SUGP1: variants seen among roughly 807,000 people sequenced by gnomAD.
SUGP1 encodes SURP and G-patch domain containing 1.
SUGP1 carries 34 observed loss-of-function variants against 76.5 expected under a neutral mutation model. The observed-to-expected ratio is 0.44, with a 90% confidence interval of 0.34 to 0.59. The LOEUF (loss-of-function observed/expected upper bound fraction) is 0.59, where lower values mean the gene tolerates loss of function less well. Among genes scored for constraint, SUGP1 ranks in the 20% least tolerant of loss-of-function variants. The pLI is 0.01. For missense variants in SUGP1, 752 were observed against 851.7 expected (o/e 0.88, Z 1.46); for synonymous variants, 326 against 326.2 (o/e 1.00, Z 0.01).
Position 19,279,303 on chromosome 19 carries a change from G to C in SUGP1, c.1438C>G (p.Gln480Glu), listed in dbSNP as rs1185765744. ...LLWEKAVQQH[Q>E]HGYDSDEEVD... ...TCCTCATCACTGTCATAGCCGTGCT[G>C]GTGCTGTTGGACTGCCTTCTCCCAC... Residue 480 changes from glutamine (Q) to glutamate (E), a missense_variant, in exon 10 of 14, where the codon CAG becomes GAG. Coordinates refer to ENST00000247001, the MANE Select transcript of SUGP1 (RefSeq NM_172231.4). 6.2e-7 allele frequency: 1 copy of C among 1,611,216 alleles called. No homozygotes were observed. Among genetic ancestry groups the C allele is most frequent in the Admixed American group, 1.7e-5 (1 of 59,954 alleles).
chr19:19,284,246 G>A (rs565859758), intron 8 of SUGP1, among the ~76,000 whole-genome samples: 3 of 152,306 alleles, frequency 2.0e-5, no homozygotes, highest in East Asian at 3.9e-4. Flanking sequence ...AGTCAGCCTA[G>A]AGTGTGCCAT....
intron 4 of SUGP1, among the ~76,000 whole-genome samples, chr19:19,304,273 C>T (rs772854924): frequency 2.0e-5 from 3 of 152,094 alleles, no homozygotes; most frequent in Non-Finnish European, 4.4e-5. Flanking sequence ...GGTTTCGATC[C>T]ATGGCAACTA....
intron 8 of SUGP1, among the ~76,000 whole-genome samples, chr19:19,291,323 G>C (rs2061181408): frequency 6.6e-6 from 1 of 151,928 alleles, no homozygotes; most frequent in Non-Finnish European, 1.5e-5. Flanking sequence ...TCTTTGAAAA[G>C]ATCAACAAAA....
Position 19,305,960 on chromosome 19 carries a change from C to T in SUGP1, c.427G>A (p.Val143Met). The change falls in exon 4 of 14, where the codon GTG becomes ATG. Residue 143 changes from valine to methionine, a missense_variant. By Grantham distance (21) the Val-to-Met change is conservative. This residue lies in a region of SUGP1 where 620 missense variants were observed against 617.3 expected (regional missense o/e 1.00). Coordinates refer to ENST00000247001, the MANE Select transcript of SUGP1 (RefSeq NM_172231.4). Reference protein sequence around the residue: ...GLGLASLPGPVKSYSHAKQLP... With the variant: ...GLGLASLPGPMKSYSHAKQLP... ...TGCTTGGCGTGGGAGTAGCTCTTCA[C>T]AGGGCCCGGCAGGCTGGCCAGCCCC... 6.2e-7 allele frequency: 1 copy of T among 1,612,534 alleles called. No homozygotes were observed. The highest frequency in any genetic ancestry group is 8.5e-7 in the Non-Finnish European group (1 of 1,179,876).
chr19:19,319,726 A>AAAG (rs1555791700), intron 1 of SUGP1, among the ~76,000 whole-genome samples: 6 of 147,438 alleles, frequency 4.1e-5, no homozygotes, highest in African/African-American at 1.0e-4. Context: ...AAAAAAAAAA[A>AAAG]AAAGAAAGAA....
intron 2 of SUGP1, 99 bp downstream of exon 2, chr19:19,316,323 G>A (rs778825400): frequency 2.5e-5 from 36 of 1,444,292 alleles, no homozygotes; most frequent in Admixed American, 2.0e-4. Context: ...CTATGGCTGG[G>A]TGCAAGCACA....
In SUGP1 at chr19:19,310,212, A is replaced by G; in HGVS notation, c.207-12T>C. 1.2e-6 allele frequency: 2 copies of G among 1,603,218 alleles called. No homozygotes were observed. Among genetic ancestry groups the G allele is most frequent in the Non-Finnish European group, 1.7e-6 (2 of 1,170,486 alleles). Reference sequence around the variant, plus strand: ...GTGCATTTGTGATTCTAGAACCAAGACAGAGGACAGAGAGGGTGAGCTGGC... The same window carrying G: ...GTGCATTTGTGATTCTAGAACCAAGGCAGAGGACAGAGAGGGTGAGCTGGC... On this transcript the variant is annotated splice_polypyrimidine_tract_variant and intron_variant, in intron 2 of 13. Coordinates refer to ENST00000247001, the MANE Select transcript of SUGP1 (RefSeq NM_172231.4).
At chr19:19,279,486 C>T (rs1040299837) in intron 9 of SUGP1, 96 bp from the exon 10 acceptor site, 34 of 1,371,102 alleles carry the variant, frequency 2.5e-5, no homozygotes, top group Middle Eastern at 2.6e-4. Context: ...CATCCCCCGC[C>T]GGAACGTGGC....
chr19:19,319,799 G>A (rs1345119029), intron 1 of SUGP1, among the ~76,000 whole-genome samples: 1 of 150,500 alleles, frequency 6.6e-6, no homozygotes, highest in East Asian at 2.0e-4. Flanking sequence ...CATATCATAC[G>A]TAACCTCACA....
chr19:19,299,771 C>T (rs1033695503), intron 7 of SUGP1, among the ~76,000 whole-genome samples: 1 of 151,546 alleles, frequency 6.6e-6, no homozygotes, highest in South Asian at 2.1e-4. Flanking sequence ...AAGGGATGGG[C>T]GTTTCCAGCT....
At chr19:19,303,911 C>T in intron 4 of SUGP1, 64 bp from the exon 5 acceptor site, 1 of 1,609,226 alleles carries the variant, frequency 6.2e-7, no homozygotes, top group South Asian at 1.1e-5. Flanking sequence ...GGCACACTCT[C>T]TCTATGGACC....
chr19:19,313,212 G>C (rs2061365316), intron 2 of SUGP1, among the ~76,000 whole-genome samples: 1 of 151,136 alleles, frequency 6.6e-6, no homozygotes, highest in Non-Finnish European at 1.5e-5. Context: ...TGGCCAACAT[G>C]ATGAAACCCC....
rs1055498124 is a variant in SUGP1, at chr19:19,300,844, C to T, written c.887+1421G>A. On this transcript the variant is annotated intron_variant, in intron 7 of 13. Coordinates refer to ENST00000247001, the MANE Select transcript of SUGP1 (RefSeq NM_172231.4). ...GAACAGAAAGGACACACAGGAGGGC[C>T]GGGGCCACCTGCACCAATAGCATCT... is the stretch of plus-strand genomic sequence containing the variant. 3.9e-5 allele frequency among the ~76,000 whole-genome samples: 6 copies of T among 152,130 alleles called. No individual in the cohort carries two copies. The South Asian group carries it at 1.0e-3, about 26-fold the overall frequency.
chr19:19,320,362 G>A (rs561857552), intron 1 of SUGP1, 101 bp downstream of exon 1: 4 of 1,302,654 alleles, frequency 3.1e-6, no homozygotes, highest in East Asian at 2.6e-5. Context: ...GGGCTGAAGC[G>A]AGGGATCCAC....
intron 8 of SUGP1, 179 bp from the exon 9 acceptor site, chr19:19,280,470 C>T (rs1030412600): frequency 3.3e-5 from 20 of 605,146 alleles, no homozygotes; most frequent in Middle Eastern, 4.1e-4. Flanking sequence ...TGTGTGCTGC[C>T]ACGTGCACCC....
At chr19:19,318,120 T>C (rs1357620952) in intron 1 of SUGP1, among the ~76,000 whole-genome samples, 6 of 138,418 alleles carry the variant, frequency 4.3e-5, no homozygotes, top group Non-Finnish European at 6.2e-5. Flanking sequence ...CTTCTTTTTT[T>C]TTTTTTTTTT....
intron 5 of SUGP1, 39 bp downstream of exon 5, chr19:19,303,685 A>G (rs1185051326): frequency 6.2e-7 from 1 of 1,611,872 alleles, no homozygotes; most frequent in East Asian, 2.2e-5. Flanking sequence ...CAGCAAACGC[A>G]TTCAACAGCA....
intron 8 of SUGP1, among the ~76,000 whole-genome samples, chr19:19,291,934 A>C (rs11669874): frequency 3.1e-3 from 304 of 97,986 alleles, no homozygotes; most frequent in Admixed American, 9.9e-3. Context: ...CACACACACA[A>C]AAGGGCCAAG....
intron 8 of SUGP1, among the ~76,000 whole-genome samples, chr19:19,290,167 T>C (rs998178380): frequency 3.9e-5 from 6 of 152,038 alleles, no homozygotes; most frequent in Non-Finnish European, 1.5e-5. Flanking sequence ...TGAGACTAGT[T>C]GGAGACCCCT....
Sources: allele counts gnomAD v4.1 joint callset (sites outside exome capture counted in the v4.1 genomes callset), GRCh38; gene constraint gnomAD v4.1.1; regional missense constraint gnomAD v4.1.1; transcripts MANE v1.5; gene names NCBI Gene and HGNC (gene_info 2026-07-23, HGNC 2026-07-21).